RHBDD1: variants seen among roughly 807,000 people sequenced by gnomAD.
The protein encoded by RHBDD1 is rhomboid domain containing 1, also known as rhomboid-related protein 4.
In RHBDD1, 38 loss-of-function variants were observed where a neutral mutation model predicts 36.3. The observed-to-expected ratio is 1.05, with a 90% confidence interval of 0.81 to 1.37. The LOEUF (loss-of-function observed/expected upper bound fraction) is 1.37. Among genes scored for constraint, RHBDD1 ranks in the 40% most tolerant of loss-of-function variants. The pLI is 0.00. For missense variants in RHBDD1, 393 were observed against 377.6 expected, an observed-to-expected ratio of 1.04 and a Z score of -0.34; for synonymous variants, 151 against 136.5, an observed-to-expected ratio of 1.11 and a Z score of -0.74.
chr2:226,937,580 C>T (rs915129246), intron 8 of RHBDD1, among the ~76,000 whole-genome samples: 4 of 152,156 alleles, frequency 2.6e-5, no homozygotes, highest in Admixed American at 1.3e-4. Context: ...TTTCCTGGTC[C>T]TCTTCTTCCT....
intron 5 of RHBDD1, among the ~76,000 whole-genome samples, chr2:226,874,400 A>T (rs950603120): frequency 6.6e-6 from 1 of 152,148 alleles, no homozygotes; most frequent in Non-Finnish European, 1.5e-5. Context: ...ACAAAGTACC[A>T]CAAACCTGGG....
intron 8 of RHBDD1, among the ~76,000 whole-genome samples, chr2:226,927,940 A>G (rs1208878864): frequency 6.6e-6 from 1 of 152,078 alleles, no homozygotes; most frequent in East Asian, 1.9e-4. Context: ...TTGTGGCACA[A>G]AAGTTTATAA....
At position 226,865,062 on chromosome 2, in the gene RHBDD1, A is replaced by G. The variant is rs893333443; in HGVS notation, c.369A>G (p.Gln123=). The G allele has an allele frequency of 1.2e-6, 2 of 1,614,170 alleles. No homozygotes were observed. Among genetic ancestry groups the G allele is most frequent in the Non-Finnish European group, 1.7e-6 (2 of 1,180,034 alleles). ...VLTGVVYLLL[Q]FAVAEFMDEP... is the part of the protein sequence containing the mutation. ...CTGGAGTGGTATACCTGCTCTTGCA[A>G]TTTGCTGTTGCCGAATTTATGGATG... is the stretch of plus-strand genomic sequence containing the variant. The change falls in exon 4 of 9, where the codon CAA becomes CAG. Residue 123 remains glutamine (Q), a synonymous_variant. Transcript: ENST00000392062.
the RHBDD1 span, among the ~76,000 whole-genome samples, chr2:226,808,010 G>A: frequency 6.7e-6 from 1 of 149,072 alleles, no homozygotes; most frequent in Non-Finnish European, 1.5e-5. Flanking sequence ...GCGAGACTCT[G>A]TCTCAAAAAA....
chr2:226,828,767 C>A, the RHBDD1 span, among the ~76,000 whole-genome samples: 1 of 152,104 alleles, frequency 6.6e-6, no homozygotes, highest in African/African-American at 2.4e-5. Context: ...TTCTACTTGA[C>A]TGGTAAGAGT....
intron 5 of RHBDD1, chr2:226,869,150 C>T: frequency 1.0e-6 from 1 of 984,870 alleles, no homozygotes. Flanking sequence ...AGGGTTCCCC[C>T]CAACTTACAT....
chr2:226,806,511 C>G, the RHBDD1 span, among the ~76,000 whole-genome samples: 1 of 152,150 alleles, frequency 6.6e-6, no homozygotes, highest in Non-Finnish European at 1.5e-5. Flanking sequence ...CAATATTAAC[C>G]TCCAGCAACT....
chr2:226,814,280 T>C, the RHBDD1 span, among the ~76,000 whole-genome samples: 1 of 152,024 alleles, frequency 6.6e-6, no homozygotes, highest in Non-Finnish European at 1.5e-5. Context: ...TATGAGCTTT[T>C]AGAGGGGAAG....
At chr2:226,974,106 G>A (rs1157772219) in intron 8 of RHBDD1, among the ~76,000 whole-genome samples, 3 of 152,072 alleles carry the variant, frequency 2.0e-5, no homozygotes, top group Non-Finnish European at 4.4e-5. Flanking sequence ...CACAGCACTC[G>A]GTGTAACACT....
intron 8 of RHBDD1, chr2:226,988,464 G>T (rs1454456571): frequency 6.3e-5 from 97 of 1,547,856 alleles, no homozygotes; most frequent in Non-Finnish European, 8.3e-5. Flanking sequence ...CTTTGAGGCT[G>T]CAGGGTCCCT....
intron 8 of RHBDD1, among the ~76,000 whole-genome samples, chr2:226,925,035 G>T (rs1234091323): frequency 6.6e-6 from 1 of 152,220 alleles, no homozygotes; most frequent in Non-Finnish European, 1.5e-5. Flanking sequence ...GTGTTCCTCT[G>T]GGAAGGATGA....
the RHBDD1 span, among the ~76,000 whole-genome samples, chr2:226,808,810 C>A: frequency 4.0e-5 from 6 of 151,892 alleles, no homozygotes; most frequent in African/African-American, 1.5e-4. Context: ...TAGACATGAG[C>A]CCACCCAGAT....
intron 8 of RHBDD1, among the ~76,000 whole-genome samples, chr2:226,948,569 AAAAAAAAAAAAAAAAACG>A (rs1951176296): frequency 6.1e-5 from 6 of 97,790 alleles, no homozygotes; most frequent in Non-Finnish European, 1.2e-4. Flanking sequence ...AAGTATAAAA[AAAAAAAAAAAAAAAAACG>A]AAAAAAATAA....
At chr2:226,988,800 T>C (rs1290329748) in intron 8 of RHBDD1, 1 of 735,286 alleles carries the variant, frequency 1.4e-6, no homozygotes, top group Non-Finnish European at 1.7e-6. Context: ...TTTTAGAAAA[T>C]ACTTGAGAGT....
At chr2:226,865,980 A>G (rs1446429864) in intron 4 of RHBDD1, among the ~76,000 whole-genome samples, 2 of 152,252 alleles carry the variant, frequency 1.3e-5, no homozygotes, top group Non-Finnish European at 2.9e-5. Flanking sequence ...GCCATGTTTT[A>G]GGAGCCATGA....
At chr2:226,885,135 C>T (rs2125433827) in intron 5 of RHBDD1, among the ~76,000 whole-genome samples, 1 of 152,126 alleles carries the variant, frequency 6.6e-6, no homozygotes, top group East Asian at 1.9e-4. Flanking sequence ...AACCAAAAAG[C>T]TCATTATTAG....
At chr2:226,868,528 G>A (rs1944523489) in intron 5 of RHBDD1, among the ~76,000 whole-genome samples, 1 of 152,230 alleles carries the variant, frequency 6.6e-6, no homozygotes, top group Admixed American at 6.5e-5. Context: ...CATAATGTTT[G>A]TTTTTACTGT....
intron 5 of RHBDD1, among the ~76,000 whole-genome samples, chr2:226,899,316 C>T (rs1000296045): frequency 3.3e-5 from 5 of 152,150 alleles, no homozygotes; most frequent in African/African-American, 1.2e-4. Context: ...TCCAAAATTG[C>T]CTTTCTACTA....
the RHBDD1 span, among the ~76,000 whole-genome samples, chr2:226,822,625 T>C: frequency 6.7e-6 from 1 of 148,378 alleles, no homozygotes; most frequent in South Asian, 2.1e-4. Flanking sequence ...CATAGTAATA[T>C]TTTGTCTCAA....
Sources: allele counts gnomAD v4.1 joint callset (sites outside exome capture counted in the v4.1 genomes callset), GRCh38; gene constraint gnomAD v4.1.1; transcripts MANE v1.5; gene names NCBI Gene and HGNC (gene_info 2026-07-23, HGNC 2026-07-21).